CWC22: variants seen among roughly 807,000 people sequenced by gnomAD.
CWC22 encodes CWC22 spliceosome associated protein, also known as pre-mRNA-splicing factor CWC22 homolog.
In CWC22, 53 loss-of-function variants were observed where a neutral mutation model predicts 117.2. The ratio of observed to expected loss-of-function variants is 0.45; its 90% CI spans 0.36 to 0.57. The LOEUF is 0.57. Ranked by LOEUF, CWC22 falls within the 20% of genes least tolerant of loss-of-function variation. The probability of loss-of-function intolerance (pLI) is 0.00; values close to 1 mark genes in which losing one functional copy is unlikely to be tolerated. For synonymous variants in CWC22, 360 were observed against 355.6 expected, an observed-to-expected ratio of 1.01 and a Z score of -0.14; for missense variants, 980 against 1,068.8, an observed-to-expected ratio of 0.92 and a Z score of 1.16.
chr2:179,945,596 G>T lies in CWC22; in HGVS notation c.2260C>A (p.Gln754Lys), dbSNP rs779803298. The T allele has an allele frequency of 1.5e-5, 25 of 1,613,390 alleles. No homozygotes were observed. Among genetic ancestry groups the T allele is most frequent in the Non-Finnish European group, 2.0e-5 (24 of 1,179,642 alleles). The stretch of plus-strand genomic sequence containing the variant: ...CTTTCTCTCTCAGTCCTTGTTTCCT[G>T]GTGCCCGTGTTCTTGTCTTCTTTCT... ...QKERRQEHGH[Q>K]ETRTERERRS... The change falls in exon 20 of 20, where the codon CAG becomes AAG. Residue 754 changes from glutamine (Q) to lysine (K), a missense_variant. Physicochemically the swap from Gln to Lys is moderately conservative, Grantham distance 53. Coordinates refer to ENST00000410053, the MANE Select transcript of CWC22 (RefSeq NM_020943.3).
Position 179,945,601 on chromosome 2 carries a change from C to T in CWC22, c.2255G>A (p.Gly752Glu). ...TCTCTCAGTCCTTGTTTCCTGGTGC[C>T]CGTGTTCTTGTCTTCTTTCTTTTTG... ...RKQKERRQEH[G>E]HQETRTERER... The change falls in exon 20 of 20, where the codon GGG becomes GAG. Residue 752 changes from glycine to glutamate, a missense_variant. Gly to Glu is a moderately conservative substitution (Grantham distance 98). This residue lies in a region of CWC22 where 306 missense variants were observed against 296.8 expected (regional missense o/e 1.03). Coordinates refer to ENST00000410053, the MANE Select transcript of CWC22 (RefSeq NM_020943.3). 1 of 1,613,338 alleles carries T rather than the reference C, an allele frequency of 6.2e-7. No homozygotes were observed.
rs1443963311 is a variant in CWC22 at position 179,956,416 on chromosome 2, G to A, written c.1459-1382C>T. Among the ~76,000 whole-genome samples, 4 of 151,516 alleles carry A rather than the reference G, an allele frequency of 2.6e-5. 1 individual carries two copies. Among genetic ancestry groups the A allele is most frequent in the Middle Eastern group, 6.9e-3 (2 of 290 alleles). On this transcript the variant is annotated intron_variant, in intron 14 of 19. Transcript: ENST00000410053. ...TACTCAAAAGCCACATGTGACTAGCGACTACTGTACTAGAAAGTGCAGAAT... is the reference window on the plus strand; with the variant it reads ...TACTCAAAAGCCACATGTGACTAGCAACTACTGTACTAGAAAGTGCAGAAT...
intron 1 of CWC22, among the ~76,000 whole-genome samples, chr2:180,002,769 G>GGGAAAA (rs1295209962): frequency 6.6e-6 from 1 of 152,186 alleles, no homozygotes; most frequent in Non-Finnish European, 1.5e-5. Context: ...ATATCGAAAG[G>GGGAAAA]GGAAAAGGTC....
At chr2:180,001,943 A>G (rs781093821) in intron 1 of CWC22, among the ~76,000 whole-genome samples, 1 of 152,224 alleles carries the variant, frequency 6.6e-6, no homozygotes, top group Non-Finnish European at 1.5e-5. Context: ...GAGGCTCTCA[A>G]TACATATTTG....
At chr2:179,948,635 G>A (rs1686369196) in intron 19 of CWC22, among the ~76,000 whole-genome samples, 1 of 152,096 alleles carries the variant, frequency 6.6e-6, no homozygotes, top group Admixed American at 6.6e-5. Context: ...ATGTACTCTT[G>A]CCAAAAATGT....
intron 19 of CWC22, among the ~76,000 whole-genome samples, chr2:179,946,482 A>AG (rs1686306320): frequency 5.0e-5 from 3 of 59,520 alleles, no homozygotes; most frequent in Non-Finnish European, 1.0e-4. Context: ...GGGGAAGGGG[A>AG]GGGGAGGGAG....
At chr2:179,956,936 C>T (rs1686610601) in intron 14 of CWC22, among the ~76,000 whole-genome samples, 1 of 151,948 alleles carries the variant, frequency 6.6e-6, no homozygotes, top group Admixed American at 6.6e-5. Context: ...AAGAGTTATT[C>T]CCTCTAGCTT....
Position 180,000,898 on chromosome 2 carries a change from T to G in CWC22, c.-114+5969A>C, listed in dbSNP as rs6744386. 4.0e-3 allele frequency among the ~76,000 whole-genome samples: 601 copies of G among 151,992 alleles called. 4 individuals carry two copies. The highest frequency in any genetic ancestry group is 0.014 in the African/African-American group (581 of 41,422). ...AAACCTCACATTATAAATTGGGAGG[T>G]AGTATTACCCCCATTCATTTCCTGT... On this transcript the variant is annotated intron_variant, in intron 1 of 19. Coordinates refer to ENST00000410053, the MANE Select transcript of CWC22 (RefSeq NM_020943.3).
intron 1 of CWC22, among the ~76,000 whole-genome samples, chr2:180,005,560 A>G (rs140953870): frequency 0.019 from 2,866 of 152,290 alleles, 100 homozygotes; most frequent in African/African-American, 0.065. Context: ...TGGGCGACAG[A>G]GTAAGACTCC....
chr2:179,969,518 T>C (rs1201014292), intron 11 of CWC22, among the ~76,000 whole-genome samples: 1 of 152,210 alleles, frequency 6.6e-6, no homozygotes, highest in Non-Finnish European at 1.5e-5. Flanking sequence ...GTTTCTGCTT[T>C]CTCTGTATAT....
At chr2:179,984,526 G>A (rs577003817) in intron 4 of CWC22, among the ~76,000 whole-genome samples, 1 of 152,106 alleles carries the variant, frequency 6.6e-6, no homozygotes, top group East Asian at 1.9e-4. Context: ...AAACTGCAGA[G>A]GAATTTGGTC....
intron 14 of CWC22, among the ~76,000 whole-genome samples, chr2:179,958,604 T>C (rs1686665171): frequency 6.6e-6 from 1 of 152,034 alleles, no homozygotes; most frequent in African/African-American, 2.4e-5. Context: ...GTGTATTTTA[T>C]GTGTGGCCCA....
At chr2:180,001,235 C>T (rs1282130066) in intron 1 of CWC22, among the ~76,000 whole-genome samples, 3 of 151,932 alleles carry the variant, frequency 2.0e-5, no homozygotes, top group Admixed American at 6.6e-5. Flanking sequence ...GGGCAAATTC[C>T]CTTTATCCTG....
chr2:179,993,277 TA>T, intron 2 of CWC22, 37 bp downstream of exon 2: 5 of 1,429,484 alleles, frequency 3.5e-6, no homozygotes, highest in Non-Finnish European at 3.9e-6. Context: ...TAATTGACTA[TA>T]AGTTTACATC....
intron 17 of CWC22, among the ~76,000 whole-genome samples, chr2:179,951,212 T>A (rs772989766): frequency 1.2e-4 from 19 of 152,034 alleles, no homozygotes; most frequent in Admixed American, 3.3e-4. Flanking sequence ...TACACATATA[T>A]ACACGTGTGA....
chr2:179,970,159 A>T (rs1686994944), intron 11 of CWC22, among the ~76,000 whole-genome samples: 1 of 152,208 alleles, frequency 6.6e-6, no homozygotes, highest in African/African-American at 2.4e-5. Context: ...TATACCACTT[A>T]ATTGAATACT....
intron 6 of CWC22, 80 bp downstream of exon 6, chr2:179,978,109 CA>C: frequency 7.8e-7 from 1 of 1,283,172 alleles, no homozygotes; most frequent in Non-Finnish European, 1.0e-6. Flanking sequence ...CACAATAAAT[CA>C]ATGATTATTG....
chr2:179,970,865 T>C lies in CWC22; in HGVS notation c.941-9A>G. 6.2e-7 allele frequency: 1 copy of C among 1,611,058 alleles called. No individual in the cohort carries two copies. The highest frequency in any genetic ancestry group is 8.5e-7 in the Non-Finnish European group (1 of 1,177,792). ...AAGGCGTTCAAATATAGCTAAAAGT[T>C]AACAGAAAGAAAAGACAATAAAATA... On this transcript the variant is annotated splice_polypyrimidine_tract_variant and intron_variant, in intron 9 of 19. Transcript: ENST00000410053.
At chr2:179,996,547 A>G (rs1022961431) in intron 1 of CWC22, among the ~76,000 whole-genome samples, 1 of 152,154 alleles carries the variant, frequency 6.6e-6, no homozygotes. Flanking sequence ...TTGACTTCTC[A>G]TCAGAAACTA....
Sources: allele counts gnomAD v4.1 joint callset (sites outside exome capture counted in the v4.1 genomes callset), GRCh38; gene constraint gnomAD v4.1.1; regional missense constraint gnomAD v4.1.1; transcripts MANE v1.5; gene names NCBI Gene and HGNC (gene_info 2026-07-23, HGNC 2026-07-21).